Variants in EPB41L4A observed in about 807,000 individuals in gnomAD.
EPB41L4A encodes erythrocyte membrane protein band 4.1 like 4A.
EPB41L4A carries 100 observed loss-of-function variants against 108.6 expected under a neutral mutation model. The observed-to-expected ratio is 0.92, with a 90% CI of 0.78 to 1.09. The LOEUF is 1.09. Ranked by LOEUF, EPB41L4A falls within the 50% of genes least tolerant of loss-of-function variation. The pLI, the probability that EPB41L4A is intolerant of heterozygous loss-of-function variation, is 0.00. For synonymous variants in EPB41L4A, 319 were observed against 289.0 expected, an observed-to-expected ratio of 1.10 and a Z score of -1.05; for missense variants, 1,030 against 842.7, an observed-to-expected ratio of 1.22 and a Z score of -2.75.
intron 2 of EPB41L4A, among the ~76,000 whole-genome samples, chr5:112,302,771 A>G (rs927174183): frequency 3.3e-5 from 5 of 152,160 alleles, no homozygotes; most frequent in Non-Finnish European, 7.4e-5. Flanking sequence ...GTCTTTCAAT[A>G]TAATTTAAAC....
chr5:112,260,077 T>C lies in EPB41L4A; in HGVS notation c.643-98A>G. ...CAAATATAATTTGTTACATTAATAT[T>C]GGATTTAATTTTTGAAAGACATCAG... On this transcript the variant is annotated intron_variant, in intron 7 of 22. Coordinates refer to ENST00000261486, the MANE Select transcript of EPB41L4A (RefSeq NM_022140.5). 10 of 886,188 alleles carry C rather than the reference T, an allele frequency of 1.1e-5. No homozygotes were observed. In the Admixed American group the frequency reaches 2.2e-4, roughly 19 times the overall value. 54.9% of individuals were successfully genotyped at this position (886,188 alleles called of 1,614,324 possible).
downstream of EPB41L4A, chr5:112,162,449 AAG>A (rs1759965881): frequency 6.6e-6 from 1 of 152,202 alleles, no homozygotes; most frequent in African/African-American, 2.4e-5. Context: ...GTTTGGCCCA[AAG>A]AGAAATGTAC....
intron 3 of EPB41L4A, among the ~76,000 whole-genome samples, chr5:112,276,915 G>A (rs1210524933): frequency 6.6e-6 from 1 of 152,080 alleles, no homozygotes; most frequent in Non-Finnish European, 1.5e-5. Context: ...TTATGCTACA[G>A]CTTTTTTAAA....
At chr5:112,338,647 T>C (rs1757075230) in intron 1 of EPB41L4A, among the ~76,000 whole-genome samples, 2 of 152,198 alleles carry the variant, frequency 1.3e-5, no homozygotes, top group South Asian at 2.1e-4. Flanking sequence ...ATTCTCTTCG[T>C]AGCAGTTATA....
chr5:112,349,106 A>T (rs1757872778), intron 1 of EPB41L4A, among the ~76,000 whole-genome samples: 1 of 152,210 alleles, frequency 6.6e-6, no homozygotes, highest in Non-Finnish European at 1.5e-5. Context: ...TGGCATCGGA[A>T]GGTTGGTGAT....
At chr5:112,243,809 G>A (rs1432831399) in intron 9 of EPB41L4A, among the ~76,000 whole-genome samples, 1 of 152,236 alleles carries the variant, frequency 6.6e-6, no homozygotes, top group Non-Finnish European at 1.5e-5. Context: ...ATTGAAGAGA[G>A]TTAGAGCCTT....
Position 112,194,551 on chromosome 5 carries a change from T to C in EPB41L4A, c.1502+17A>G, listed in dbSNP as rs748079532. ...CTGATTTCAGAGTGCCAGTTAATTA[T>C]AATATTGAGATATTACCTGTTTCTC... On this transcript the variant is annotated intron_variant, in intron 17 of 22. Coordinates refer to ENST00000261486, the MANE Select transcript of EPB41L4A (RefSeq NM_022140.5). The C allele has an allele frequency of 4.9e-6, 7 of 1,437,944 alleles. No homozygotes were observed. The highest frequency in any genetic ancestry group is 3.8e-5 in the Admixed American group (2 of 52,978). The allele number at this position is 1,437,944 out of a possible 1,614,324, so 89.1% of individuals were successfully genotyped here. A position where few individuals can be genotyped will look rare whatever the true frequency, so the allele number is the denominator to read the frequency against.
chr5:112,226,843 A>G (rs1748487125), intron 12 of EPB41L4A, among the ~76,000 whole-genome samples: 1 of 152,094 alleles, frequency 6.6e-6, no homozygotes, highest in South Asian at 2.1e-4. Flanking sequence ...ATTGGTGTTT[A>G]CGGGGTATAG....
At chr5:112,142,690 G>A (rs561546217) in exon 14 of EPB41L4A, 27 of 152,292 alleles carry the variant, frequency 1.8e-4, no homozygotes, top group African/African-American at 6.5e-4. Flanking sequence ...TGAGATTTTC[G>A]GTCAGAAGAT....
chr5:112,149,792 A>T (rs969303977), intron 12 of EPB41L4A, among the ~76,000 whole-genome samples: 4 of 152,204 alleles, frequency 2.6e-5, no homozygotes, highest in African/African-American at 9.6e-5. Context: ...AGAGGCCACA[A>T]ATAAAAAATA....
intron 16 of EPB41L4A, 44 bp downstream of exon 16, chr5:112,195,617 A>C: frequency 1.3e-6 from 2 of 1,514,384 alleles, no homozygotes; most frequent in Non-Finnish European, 1.8e-6. Context: ...TAAATCTGCT[A>C]ACCCTTCTTC....
chr5:112,306,925 T>G (rs917632679), intron 2 of EPB41L4A, among the ~76,000 whole-genome samples: 3 of 152,158 alleles, frequency 2.0e-5, no homozygotes, highest in African/African-American at 7.2e-5. Context: ...CTCTACTTAT[T>G]TTATTTTGTA....
chr5:112,332,787 T>A (rs1246143907), intron 1 of EPB41L4A, among the ~76,000 whole-genome samples: 1 of 152,234 alleles, frequency 6.6e-6, no homozygotes, highest in Non-Finnish European at 1.5e-5. Context: ...TTAAAAACTC[T>A]GCCATATCTT....
Position 112,301,954 on chromosome 5 carries a change from A to C in EPB41L4A, c.204+5432T>G, listed in dbSNP as rs148183090. Among the ~76,000 whole-genome samples the C allele has an allele frequency of 4.6e-5, 7 of 152,186 alleles. No homozygotes were observed. The East Asian group carries it at 9.6e-4, about 21-fold the overall frequency. On this transcript the variant is annotated intron_variant, in intron 2 of 22. Coordinates refer to ENST00000261486, the MANE Select transcript of EPB41L4A (RefSeq NM_022140.5). ...CATTTTAGGGAGAAAGTAGAATAGGAATACAAGTTTAACGACATAAAAGGA... is the reference window on the plus strand; with the variant it reads ...CATTTTAGGGAGAAAGTAGAATAGGCATACAAGTTTAACGACATAAAAGGA...
chr5:112,334,586 G>GA (rs1259832538), intron 1 of EPB41L4A, among the ~76,000 whole-genome samples: 2 of 152,134 alleles, frequency 1.3e-5, no homozygotes, highest in African/African-American at 4.8e-5. Flanking sequence ...CTGCCAGTCA[G>GA]AAAAATCTTT....
chr5:112,335,597 C>G (rs959329880), intron 1 of EPB41L4A, among the ~76,000 whole-genome samples: 4 of 152,170 alleles, frequency 2.6e-5, no homozygotes, highest in Admixed American at 1.3e-4. Context: ...TGGGCATGAA[C>G]CTGACCATGG....
intron 1 of EPB41L4A, among the ~76,000 whole-genome samples, chr5:112,343,480 T>C (rs1188774833): frequency 6.6e-6 from 1 of 152,118 alleles, no homozygotes; most frequent in African/African-American, 2.4e-5. Context: ...ATAATGTATG[T>C]AAAGTACTTA....
intron 22 of EPB41L4A, 25 bp from the exon 23 acceptor site, chr5:112,165,143 A>T (rs542437030): frequency 1.3e-6 from 2 of 1,526,846 alleles, no homozygotes; most frequent in East Asian, 2.3e-5. Context: ...AAAAATGTAG[A>T]AAGATTCAGA....
chr5:112,153,226 T>TA (rs988124342), intron 12 of EPB41L4A, among the ~76,000 whole-genome samples: 26 of 132,386 alleles, frequency 2.0e-4, no homozygotes, highest in Middle Eastern at 5.4e-3. Flanking sequence ...CTCAAAAATT[T>TA]AAAAAAAAAG....
Sources: allele counts gnomAD v4.1 joint callset (sites outside exome capture counted in the v4.1 genomes callset), GRCh38; gene constraint gnomAD v4.1.1; transcripts MANE v1.5; gene names NCBI Gene and HGNC (gene_info 2026-07-23, HGNC 2026-07-21).